Variants in GABRB1 observed in about 807,000 individuals in gnomAD.
GABRB1 encodes the protein gamma-aminobutyric acid receptor subunit beta-1.
GABRB1 carries 17 observed loss-of-function variants against 51.6 expected under a neutral mutation model. The observed-to-expected ratio is 0.33, with a 90% CI of 0.23 to 0.49. GABRB1 has a LOEUF of 0.49. GABRB1 is among the 20% of genes least tolerant of loss of function. The pLI, the probability that GABRB1 is intolerant of heterozygous loss-of-function variation, is 0.99. For missense variants in GABRB1, 410 were observed against 600.6 expected (o/e 0.68, Z 3.32); for synonymous variants, 247 against 218.9 (o/e 1.13, Z -1.14).
At chr4:47,304,940 G>A (rs1724390396) in intron 4 of GABRB1, among the ~76,000 whole-genome samples, 1 of 152,010 alleles carries the variant, frequency 6.6e-6, no homozygotes, top group East Asian at 1.9e-4. Flanking sequence ...TCCAGCCACT[G>A]GTCCACTCAC....
intron 3 of GABRB1, among the ~76,000 whole-genome samples, chr4:47,040,892 T>G (rs1250774538): frequency 6.6e-6 from 1 of 152,156 alleles, no homozygotes; most frequent in Non-Finnish European, 1.5e-5. Flanking sequence ...ATTTAGAGCA[T>G]ACTTTTCAAT....
At chr4:47,323,108 A>C (rs1344840427) in intron 5 of GABRB1, among the ~76,000 whole-genome samples, 1 of 152,178 alleles carries the variant, frequency 6.6e-6, no homozygotes, top group Non-Finnish European at 1.5e-5. Flanking sequence ...TCCCTGATAA[A>C]GTTCAGTATA....
chr4:47,385,392 T>G (rs765100854), intron 5 of GABRB1, among the ~76,000 whole-genome samples: 13 of 152,220 alleles, frequency 8.5e-5, no homozygotes, highest in Non-Finnish European at 1.6e-4. Flanking sequence ...TTATTTTCAT[T>G]TCTCACCTGA....
chr4:47,295,075 C>T (rs539382092), intron 4 of GABRB1, among the ~76,000 whole-genome samples: 1 of 152,232 alleles, frequency 6.6e-6, no homozygotes, highest in African/African-American at 2.4e-5. Flanking sequence ...AACTAACAAA[C>T]AGAAAGGACA....
rs1324562425 is a variant in GABRB1, at chr4:47,123,710, G to GATATATC, written c.241-37533_241-37532insCATATAT. Among the ~76,000 whole-genome samples the GATATATC allele has an allele frequency of 1.4e-3, 14 of 10,350 alleles. No individual in the cohort carries two copies. In the South Asian group the frequency reaches 0.044, roughly 32 times the overall value. 6.8% of individuals were successfully genotyped at this position (10,350 alleles called of 152,430 possible). Reference sequence around the variant, plus strand: ...ATATGATATATTATATATATAATATGATATATGATATATGATATATCATAT... The same window carrying GATATATC: ...ATATGATATATTATATATATAATATGATATATCATATATGATATATGATATATCATAT... On this transcript the variant is annotated intron_variant, in intron 3 of 8. Transcript: ENST00000295454.
chr4:47,138,723 T>C (rs1716785420), intron 3 of GABRB1, among the ~76,000 whole-genome samples: 1 of 152,072 alleles, frequency 6.6e-6, no homozygotes, highest in Non-Finnish European at 1.5e-5. Flanking sequence ...ACCCAGAGAA[T>C]GAAGACAGAT....
intron 4 of GABRB1, among the ~76,000 whole-genome samples, chr4:47,169,991 C>A (rs563007477): frequency 6.6e-6 from 1 of 152,204 alleles, no homozygotes; most frequent in Non-Finnish European, 1.5e-5. Context: ...AGTAGCTCTG[C>A]CAAGTGTGTG....
At chr4:47,079,456 A>T (rs1482531808) in intron 3 of GABRB1, among the ~76,000 whole-genome samples, 2 of 151,970 alleles carry the variant, frequency 1.3e-5, no homozygotes, top group African/African-American at 4.8e-5. Context: ...ATTGGTGGTG[A>T]TATCCCCTTT....
intron 4 of GABRB1, among the ~76,000 whole-genome samples, chr4:47,211,210 C>T (rs1720341977): frequency 1.3e-5 from 2 of 152,166 alleles, no homozygotes; most frequent in Non-Finnish European, 2.9e-5. Context: ...GAGTTTATGA[C>T]ATCCTTATCT....
At chr4:47,122,141 A>C (rs1715805593) in intron 3 of GABRB1, among the ~76,000 whole-genome samples, 1 of 152,190 alleles carries the variant, frequency 6.6e-6, no homozygotes, top group South Asian at 2.1e-4. Context: ...GTTCTGTAAC[A>C]CTGCCCTGAG....
At chr4:47,194,765 T>C (rs1231836867) in intron 4 of GABRB1, among the ~76,000 whole-genome samples, 1 of 152,184 alleles carries the variant, frequency 6.6e-6, no homozygotes, top group Non-Finnish European at 1.5e-5. Flanking sequence ...AGATTTGTTG[T>C]CAGTTAAAAC....
At chr4:47,304,943 C>G (rs1724390471) in intron 4 of GABRB1, among the ~76,000 whole-genome samples, 1 of 152,082 alleles carries the variant, frequency 6.6e-6, no homozygotes, top group Non-Finnish European at 1.5e-5. Context: ...AGCCACTGGT[C>G]CACTCACTTA....
chr4:47,390,050 G>C (rs1341691085), intron 5 of GABRB1, among the ~76,000 whole-genome samples: 2 of 152,196 alleles, frequency 1.3e-5, no homozygotes, highest in African/African-American at 4.8e-5. Context: ...ATTCATGTTT[G>C]CAAACAGCTA....
upstream of GABRB1, among the ~76,000 whole-genome samples, chr4:47,029,719 T>C (rs1402101514): frequency 2.0e-5 from 3 of 152,112 alleles, no homozygotes; most frequent in Admixed American, 1.3e-4. Flanking sequence ...TATATTTTCA[T>C]GTATGTAATG....
At chr4:47,395,338 C>T (rs1042574702) in intron 5 of GABRB1, among the ~76,000 whole-genome samples, 2 of 152,160 alleles carry the variant, frequency 1.3e-5, no homozygotes, top group East Asian at 3.9e-4. Flanking sequence ...CAGAAGAAAG[C>T]GAGAGAGAGC....
At chr4:47,378,864 G>C (rs1306763421) in intron 5 of GABRB1, among the ~76,000 whole-genome samples, 1 of 152,058 alleles carries the variant, frequency 6.6e-6, no homozygotes, top group Non-Finnish European at 1.5e-5. Flanking sequence ...TCACAGAGGA[G>C]GTAGCTGAGG....
chr4:47,404,630 T>G (rs1339026395), intron 7 of GABRB1, among the ~76,000 whole-genome samples: 3 of 152,176 alleles, frequency 2.0e-5, no homozygotes, highest in Non-Finnish European at 2.9e-5. Context: ...CTAATTGTCA[T>G]CACTACAGCT....
chr4:47,175,184 TTC>T (rs942454427), intron 4 of GABRB1, among the ~76,000 whole-genome samples: 3 of 151,150 alleles, frequency 2.0e-5, no homozygotes, highest in African/African-American at 4.9e-5. Flanking sequence ...TTTCTTTTCT[TTC>T]TCTCTCTCTC....
At chr4:47,006,026 A>G (rs1016603660) in intron 1 of GABRB1, among the ~76,000 whole-genome samples, 1 of 151,494 alleles carries the variant, frequency 6.6e-6, no homozygotes. Context: ...CTAATAAAGA[A>G]GCAATAATTT....
Sources: gnomAD v4.1 joint callset for allele counts (sites outside exome capture counted in the v4.1 genomes callset) on GRCh38, gnomAD v4.1.1 for gene constraint, MANE v1.5 for transcripts, NCBI Gene and HGNC (gene_info 2026-07-23, HGNC 2026-07-21) for gene names.